The following TRPS1 variants were observed in gnomAD, a reference collection of about 807,000 sequenced individuals.
TRPS1 encodes zinc finger transcription factor Trps1.
Under a neutral mutation model 101.2 loss-of-function variants are expected in TRPS1, and 6 were observed. The observed-to-expected ratio is 0.06, with a 90% CI of 0.03 to 0.12. The LOEUF (loss-of-function observed/expected upper bound fraction) is 0.12, where lower values mean the gene tolerates loss of function less well. Ranked by LOEUF, TRPS1 falls within the 10% of genes least tolerant of loss-of-function variation. TRPS1 has a pLI of 1.00. For missense variants in TRPS1, 1,363 were observed against 1,567.0 expected (o/e 0.87, Z 2.20); for synonymous variants, 578 against 589.8 (o/e 0.98, Z 0.29).
intron 1 of TRPS1, 81 bp from the exon 2 acceptor site, chr8:115,623,839 A>C: frequency 7.7e-7 from 1 of 1,291,434 alleles, no homozygotes; most frequent in Non-Finnish European, 1.0e-6. Flanking sequence ...AAATATATTA[A>C]TATGCTGGCA....
At chr8:115,538,188 A>G (rs1038823679) in intron 5 of TRPS1, among the ~76,000 whole-genome samples, 1 of 152,232 alleles carries the variant, frequency 6.6e-6, no homozygotes, top group African/African-American at 2.4e-5. Context: ...TAGACGGATT[A>G]GTGATGGGTG....
chr8:115,424,401 T>C (rs1400483019), intron 5 of TRPS1, among the ~76,000 whole-genome samples: 1 of 152,208 alleles, frequency 6.6e-6, no homozygotes, highest in Non-Finnish European at 1.5e-5. Flanking sequence ...GTCAATTAAG[T>C]TCTGGGAGTA....
intron 3 of TRPS1, among the ~76,000 whole-genome samples, chr8:115,606,881 C>T (rs1333577523): frequency 6.7e-6 from 1 of 149,706 alleles, no homozygotes; most frequent in Non-Finnish European, 1.5e-5. Context: ...TGTTCCGGAA[C>T]TTAAACTTGA....
rs3071244 is a variant in TRPS1 at position 115,576,278 on chromosome 8, CATAT to C, written c.2700+10719_2700+10722del. ...AAATCATATTTAAGAATTTGTAGTT[CATAT>C]ATATATATAGATATAGATATAGATA... On this transcript the variant is annotated intron_variant, in intron 5 of 6. Transcript: ENST00000395715. 4.2e-4 allele frequency among the ~76,000 whole-genome samples: 61 copies of C among 144,334 alleles called. No individual in the cohort carries two copies. The South Asian group carries it at 5.7e-3, about 13-fold the overall frequency. 94.7% of individuals were successfully genotyped at this position (144,334 alleles called of 152,430 possible). A position where few individuals can be genotyped will look rare whatever the true frequency, so the allele number is the denominator to read the frequency against.
intron 5 of TRPS1, among the ~76,000 whole-genome samples, chr8:115,562,509 GA>G (rs778929983): frequency 0.052 from 6,041 of 116,916 alleles, 121 homozygotes; most frequent in Middle Eastern, 0.099. Flanking sequence ...TGATTGCCAG[GA>G]AAAAAAAAAA....
At chr8:115,491,425 C>CT (rs952632920) in intron 5 of TRPS1, among the ~76,000 whole-genome samples, 57 of 152,060 alleles carry the variant, frequency 3.7e-4, no homozygotes, top group Admixed American at 3.3e-3. Flanking sequence ...GCTTTTTTGT[C>CT]TTTTTAGCTT....
intron 5 of TRPS1, among the ~76,000 whole-genome samples, chr8:115,542,119 A>G (rs887423609): frequency 1.3e-5 from 2 of 152,238 alleles, no homozygotes; most frequent in Non-Finnish European, 2.9e-5. Flanking sequence ...TCACAGCACA[A>G]TAAGACTACT....
At chr8:115,596,633 T>C (rs999799519) in intron 4 of TRPS1, among the ~76,000 whole-genome samples, 9 of 151,826 alleles carry the variant, frequency 5.9e-5, no homozygotes, top group African/African-American at 9.7e-5. Context: ...GTAGAGTATA[T>C]GTATATGATA....
chr8:115,666,774 C>A (rs1328188593), intron 1 of TRPS1, among the ~76,000 whole-genome samples: 1 of 152,214 alleles, frequency 6.6e-6, no homozygotes, highest in South Asian at 2.1e-4. Flanking sequence ...CAAGTTTTAG[C>A]CAACAACCAG....
intron 2 of TRPS1, among the ~76,000 whole-genome samples, chr8:115,620,558 T>C (rs990327218): frequency 3.9e-5 from 6 of 152,212 alleles, no homozygotes; most frequent in Non-Finnish European, 7.3e-5. Flanking sequence ...ATAACATAAA[T>C]TGGAATTCGA....
At chr8:115,574,363 G>A (rs1817270986) in intron 5 of TRPS1, among the ~76,000 whole-genome samples, 3 of 151,822 alleles carry the variant, frequency 2.0e-5, no homozygotes, top group South Asian at 2.1e-4. Context: ...ATTTAAATTC[G>A]GACACTCACC....
At chr8:115,668,041 G>T in intron 1 of TRPS1, 1 of 745,214 alleles carries the variant, frequency 1.3e-6, no homozygotes, top group Non-Finnish European at 2.2e-6. Flanking sequence ...GAGGGGGAGT[G>T]GGGCTGCGAG....
chr8:115,587,885 C>T (rs928424784), intron 4 of TRPS1, among the ~76,000 whole-genome samples: 3 of 152,194 alleles, frequency 2.0e-5, no homozygotes, highest in Admixed American at 2.0e-4. Flanking sequence ...GCACGCTGCT[C>T]GTGCTTGTGC....
At chr8:115,455,340 A>G (rs1813989594) in intron 5 of TRPS1, among the ~76,000 whole-genome samples, 1 of 152,220 alleles carries the variant, frequency 6.6e-6, no homozygotes, top group African/African-American at 2.4e-5. Flanking sequence ...AATGTTTGCT[A>G]GGGTTTAGCA....
At chr8:115,559,632 A>G (rs1321781650) in intron 5 of TRPS1, among the ~76,000 whole-genome samples, 1 of 152,146 alleles carries the variant, frequency 6.6e-6, no homozygotes, top group African/African-American at 2.4e-5. Flanking sequence ...GTGTGAATGA[A>G]TCTAGCTTCA....
At chr8:115,561,988 G>A (rs1276096996) in intron 5 of TRPS1, among the ~76,000 whole-genome samples, 2 of 151,528 alleles carry the variant, frequency 1.3e-5, no homozygotes, top group African/African-American at 2.4e-5. Context: ...AATGATGAAC[G>A]AAGAATTACG....
Position 115,492,488 on chromosome 8 carries a change from T to C in TRPS1, c.2701-74036A>G, listed in dbSNP as rs62512999. 7.8e-3 allele frequency among the ~76,000 whole-genome samples: 593 copies of C among 75,886 alleles called. 2 individuals are homozygous for C. The highest frequency in any genetic ancestry group is 0.016 in the African/African-American group (560 of 34,028). The allele number at this position is 75,886 out of a possible 152,430, so 49.8% of individuals were successfully genotyped here. On this transcript the variant is annotated intron_variant, in intron 5 of 6. Coordinates refer to ENST00000395715, the MANE Select transcript of TRPS1 (RefSeq NM_014112.5). Reference sequence around the variant, plus strand: ...GTGTGTGTGTGTGTGTGTGCGTGCGTGTGCGTGTTCGTGTGTGTGTGTATG... The same window carrying C: ...GTGTGTGTGTGTGTGTGTGCGTGCGCGTGCGTGTTCGTGTGTGTGTGTATG...
chr8:115,421,135 C>T (rs900557608), intron 5 of TRPS1, among the ~76,000 whole-genome samples: 1 of 152,096 alleles, frequency 6.6e-6, no homozygotes, highest in African/African-American at 2.4e-5. Context: ...CAGGCATGCG[C>T]CACCATGACC....
At chr8:115,511,660 C>T (rs1437798294) in intron 5 of TRPS1, among the ~76,000 whole-genome samples, 1 of 151,848 alleles carries the variant, frequency 6.6e-6, no homozygotes, top group African/African-American at 2.4e-5. Flanking sequence ...TTCTGGGTTT[C>T]CCCAAAGGGC....
Sources: allele counts gnomAD v4.1 joint callset (sites outside exome capture counted in the v4.1 genomes callset), GRCh38; gene constraint gnomAD v4.1.1; transcripts MANE v1.5; gene names NCBI Gene and HGNC (gene_info 2026-07-23, HGNC 2026-07-21).